Variants in GABRB3 observed in about 807,000 individuals in gnomAD.
GABRB3 encodes the protein gamma-aminobutyric acid receptor subunit beta-3.
Under a neutral mutation model 52.1 loss-of-function variants are expected in GABRB3, and 14 were observed. The ratio of observed to expected loss-of-function variants is 0.27; its 90% confidence interval spans 0.18 to 0.42. The LOEUF (loss-of-function observed/expected upper bound fraction) is 0.42, where lower values mean the gene tolerates loss of function less well. Ranked by LOEUF, GABRB3 falls within the 10% of genes least tolerant of loss-of-function variation. The pLI, the probability that GABRB3 is intolerant of heterozygous loss-of-function variation, is 1.00. For missense variants in GABRB3, 307 were observed against 609.1 expected (o/e 0.50, Z 5.22); for synonymous variants, 260 against 232.3 (o/e 1.12, Z -1.08).
At chr15:26,760,753 T>C (rs1458978097) in intron 3 of GABRB3, among the ~76,000 whole-genome samples, 1 of 151,682 alleles carries the variant, frequency 6.6e-6, no homozygotes, top group Non-Finnish European at 1.5e-5. Context: ...ATAAGAATGC[T>C]TCTTTTAAAA....
intron 3 of GABRB3, among the ~76,000 whole-genome samples, chr15:26,742,702 G>A (rs1268834779): frequency 2.0e-5 from 3 of 152,130 alleles, no homozygotes; most frequent in East Asian, 1.9e-4. Context: ...ACCTGCCCTC[G>A]TTTCCAACTG....
chr15:26,603,758 A>C (rs2140504527), intron 4 of GABRB3, among the ~76,000 whole-genome samples: 1 of 152,158 alleles, frequency 6.6e-6, no homozygotes, highest in East Asian at 1.9e-4. Context: ...AAAAACTAAG[A>C]TAGAAGGAAC....
chr15:26,621,302 A>G lies in GABRB3; in HGVS notation c.461+12T>C. The G allele has an allele frequency of 6.2e-7, 1 of 1,610,524 alleles. No homozygotes were observed. The highest frequency in any genetic ancestry group is 1.1e-5 in the South Asian group (1 of 90,950). The stretch of plus-strand genomic sequence containing the variant: ...TGCAACAGCAAAATTGGTCCTGAAG[A>G]GGCACACAGACCTGAGCCCATACAG... On this transcript the variant is annotated intron_variant, in intron 4 of 8. Transcript: ENST00000311550. The surrounding 1 kb of genome is among the most constrained non-coding windows in gnomAD (Gnocchi z 4.1).
In GABRB3 at chr15:26,624,957, C is replaced by A. The variant is rs908585030; in HGVS notation, c.241-3423G>T. ...GTGAGTGATCCTTCAGCAAACTCCA[C>A]GCCCTGTGCTACCTAGAACCTCATT... On this transcript the variant is annotated intron_variant, in intron 3 of 8. Transcript: ENST00000311550. 9.1e-6 allele frequency: 9 copies of A among 985,340 alleles called. No homozygotes were observed. The African/African-American group carries it at 1.6e-4, about 17-fold the overall frequency. The allele number at this position is 985,340 out of a possible 1,614,324, so 61.0% of individuals were successfully genotyped here. A position where few individuals can be genotyped will look rare whatever the true frequency, so the allele number is the denominator to read the frequency against.
At chr15:26,693,644 T>C (rs1322509117) in intron 3 of GABRB3, among the ~76,000 whole-genome samples, 1 of 152,102 alleles carries the variant, frequency 6.6e-6, no homozygotes, top group Non-Finnish European at 1.5e-5. Context: ...CAACTCTTAT[T>C]AGATCCATCC....
At chr15:26,661,778 G>C (rs929346852) in intron 3 of GABRB3, among the ~76,000 whole-genome samples, 17 of 152,118 alleles carry the variant, frequency 1.1e-4, no homozygotes, top group African/African-American at 4.1e-4. Context: ...CTAAGCAGGG[G>C]GAAAGCAAGC....
chr15:26,753,109 A>G (rs59345113), intron 3 of GABRB3, among the ~76,000 whole-genome samples: 1 of 152,140 alleles, frequency 6.6e-6, no homozygotes, highest in African/African-American at 2.4e-5. Context: ...TTCTGAGCTA[A>G]CTTCTGAGCT....
At position 26,583,022 on chromosome 15, in the gene GABRB3, C is replaced by T. The variant is rs78988448; in HGVS notation, c.544+310G>A. The stretch of plus-strand genomic sequence containing the variant: ...CCGCCCAGGGTCCCAGCAGTGCAGC[C>T]ACTCATGAGTGATGAAGCATATTGT... On this transcript the variant is annotated intron_variant, in intron 5 of 8. Transcript: ENST00000311550. Among the ~76,000 whole-genome samples the T allele has an allele frequency of 4.4e-3, 668 of 152,200 alleles. 2 individuals are homozygous for T. Among genetic ancestry groups the T allele is most frequent in the Non-Finnish European group, 6.9e-3 (468 of 68,022 alleles).
intron 3 of GABRB3, among the ~76,000 whole-genome samples, chr15:26,677,044 T>C (rs971843375): frequency 1.4e-4 from 21 of 152,204 alleles, no homozygotes; most frequent in African/African-American, 4.8e-4. Flanking sequence ...TCTTCCATGA[T>C]TGAAATGGTA....
At chr15:26,667,736 G>A (rs1281233718) in intron 3 of GABRB3, among the ~76,000 whole-genome samples, 1 of 152,144 alleles carries the variant, frequency 6.6e-6, no homozygotes, top group Non-Finnish European at 1.5e-5. Flanking sequence ...TGTTAGAAAT[G>A]CACATTCTTG....
At chr15:26,709,028 C>G (rs766944841) in intron 3 of GABRB3, among the ~76,000 whole-genome samples, 13 of 152,148 alleles carry the variant, frequency 8.5e-5, no homozygotes, top group Non-Finnish European at 1.8e-4. Context: ...ACTAAAAGAT[C>G]ATATGGATAT....
chr15:26,587,100 T>G (rs1214425113), intron 4 of GABRB3, among the ~76,000 whole-genome samples: 1 of 152,232 alleles, frequency 6.6e-6, no homozygotes, highest in African/African-American at 2.4e-5. Context: ...ACTAGCTTGA[T>G]TTAATTATTT....
chr15:26,619,985 A>G (rs980032753), intron 4 of GABRB3, among the ~76,000 whole-genome samples: 2 of 152,020 alleles, frequency 1.3e-5, no homozygotes, highest in African/African-American at 4.8e-5. Context: ...ACAAACTCAC[A>G]TATCAGCTTC....
At chr15:26,708,843 T>G (rs1198500817) in intron 3 of GABRB3, among the ~76,000 whole-genome samples, 2 of 152,192 alleles carry the variant, frequency 1.3e-5, no homozygotes, top group African/African-American at 4.8e-5. Context: ...CTCAGCTCCC[T>G]TGTCTGTAAA....
In GABRB3 at chr15:26,710,898, C is replaced by CT. The variant is rs893200999; in HGVS notation, c.240+61503dup. Among the ~76,000 whole-genome samples the CT allele has an allele frequency of 3.0e-3, 435 of 143,040 alleles. 1 individual carries two copies. The highest frequency in any genetic ancestry group is 7.5e-3 in the African/African-American group (294 of 39,170). The allele number at this position is 143,040 out of a possible 152,430, so 93.8% of individuals were successfully genotyped here. A position where few individuals can be genotyped will look rare whatever the true frequency, so the allele number is the denominator to read the frequency against. Reference sequence around the variant, plus strand: ...TTTTCTTAATGAATAACACTTTGATCTTTTTTTTTTTTTCCATCTCTCAGT... The same window carrying CT: ...TTTTCTTAATGAATAACACTTTGATCTTTTTTTTTTTTTTCCATCTCTCAGT... On this transcript the variant is annotated intron_variant, in intron 3 of 8. Coordinates refer to ENST00000311550, the MANE Select transcript of GABRB3 (RefSeq NM_000814.6).
chr15:26,587,058 AAT>A (rs1227728836), intron 4 of GABRB3, among the ~76,000 whole-genome samples: 3 of 152,226 alleles, frequency 2.0e-5, no homozygotes, highest in African/African-American at 7.2e-5. Flanking sequence ...GCCACAAAAA[AAT>A]GTTAATAATT....
chr15:26,624,330 C>T (rs1246383901), intron 3 of GABRB3: 1 of 985,448 alleles, frequency 1.0e-6, no homozygotes, highest in African/African-American at 1.7e-5. Context: ...CCATGTTACA[C>T]TCGTATTGAA....
intron 8 of GABRB3, chr15:26,553,237 G>C (rs1889546136): frequency 6.6e-6 from 1 of 152,176 alleles, no homozygotes; most frequent in African/African-American, 2.4e-5. Context: ...TGCAAGCTTT[G>C]CCTCCCAGGT....
intron 3 of GABRB3, among the ~76,000 whole-genome samples, chr15:26,623,374 C>T (rs1382920313): frequency 6.6e-6 from 1 of 152,150 alleles, no homozygotes; most frequent in Non-Finnish European, 1.5e-5. Flanking sequence ...TTAACCGTGC[C>T]TTTTATTTCT....
Sources: allele counts gnomAD v4.1 joint callset (sites outside exome capture counted in the v4.1 genomes callset), GRCh38; gene constraint gnomAD v4.1.1; non-coding constraint Gnocchi (gnomAD v3.1); transcripts MANE v1.5; gene names NCBI Gene and HGNC (gene_info 2026-07-23, HGNC 2026-07-21).